SLC16A5: variants seen among roughly 807,000 people sequenced by gnomAD.
SLC16A5 encodes solute carrier family 16 member 5.
A neutral mutation model predicts 33.2 loss-of-function variants in SLC16A5; 29 were observed. That is an observed-to-expected ratio of 0.87 (90% CI 0.65 to 1.19). The LOEUF (loss-of-function observed/expected upper bound fraction) is 1.19. SLC16A5 is among the 50% of genes most tolerant of loss of function. The pLI, the probability that SLC16A5 is intolerant of heterozygous loss-of-function variation, is 0.00. For missense variants in SLC16A5, 606 were observed against 678.2 expected (o/e 0.89, Z 1.18); for synonymous variants, 248 against 284.1 (o/e 0.87, Z 1.28).
At chr17:75,092,153 C>G (rs550736244) in intron 2 of SLC16A5, among the ~76,000 whole-genome samples, 13 of 151,746 alleles carry the variant, frequency 8.6e-5, no homozygotes, top group Non-Finnish European at 1.5e-5. Context: ...ATGCGTGTGT[C>G]TCTCTGTGTT....
chr17:75,104,644 T>C (rs1465392580), intron 6 of SLC16A5: 5 of 590,642 alleles, frequency 8.5e-6, no homozygotes, highest in Non-Finnish European at 2.1e-6. Context: ...GAGATGGGGT[T>C]TCTCTATGTT....
At chr17:75,104,604 A>T in intron 6 of SLC16A5, 1 of 562,076 alleles carries the variant, frequency 1.8e-6, no homozygotes, top group Non-Finnish European at 2.3e-6. Flanking sequence ...GGCATGCGCC[A>T]CCACTCCCGG....
chr17:75,105,416 G>A, intron 6 of SLC16A5: 1 of 985,430 alleles, frequency 1.0e-6, no homozygotes, highest in Non-Finnish European at 1.2e-6. Context: ...TGCAAGGGAA[G>A]CTCTTTTACT....
Position 75,104,070 on chromosome 17 carries a change from C to T in SLC16A5, c.1254C>T (p.Ala418=). The change falls in exon 6 of 7, where the codon GCC becomes GCT. Residue 418 remains alanine, a synonymous_variant. Transcript: ENST00000329783. ...AALFMGGSFY[A]LQKKEQGKQA... ...TCTTCATGGGTGGCAGCTTCTACGCCCTGCAGAAGAAGGAGCAAGGCAAGC... is the reference window on the plus strand; with the variant it reads ...TCTTCATGGGTGGCAGCTTCTACGCTCTGCAGAAGAAGGAGCAAGGCAAGC... The T allele has an allele frequency of 6.2e-7, 1 of 1,614,200 alleles. No individual in the cohort carries two copies. The highest frequency in any genetic ancestry group is 8.5e-7 in the Non-Finnish European group (1 of 1,180,026).
At chr17:75,105,367 CA>C (rs1271329691) in intron 6 of SLC16A5, 1 of 985,288 alleles carries the variant, frequency 1.0e-6, no homozygotes, top group East Asian at 1.1e-4. Flanking sequence ...GAAGGCTTGC[CA>C]GGCAGCCCGA....
In SLC16A5 at chr17:75,100,383, GTACA is replaced by G; in HGVS notation, c.724_727del (p.Ile242TrpfsTer3). On this transcript the variant is annotated frameshift_variant, in exon 5 of 7. Coordinates refer to ENST00000329783, the MANE Select transcript of SLC16A5 (RefSeq NM_004695.4). LOFTEE classifies it high-confidence loss of function. Reference sequence around the variant, plus strand: ...TGCGGCACAACACAGGCTACTGCGTGTACATACTGGGTGTGATGTGGTCCGTCCT... The same window carrying G: ...TGCGGCACAACACAGGCTACTGCGTGTACTGGGTGTGATGTGGTCCGTCCT... 1 of 1,614,238 alleles carries G rather than the reference GTACA, an allele frequency of 6.2e-7. No individual in the cohort carries two copies. Among genetic ancestry groups the G allele is most frequent in the Non-Finnish European group, 8.5e-7 (1 of 1,180,044 alleles).
chr17:75,101,579 A>AG (rs1205090684), intron 5 of SLC16A5, among the ~76,000 whole-genome samples: 6 of 146,640 alleles, frequency 4.1e-5, no homozygotes, highest in African/African-American at 1.6e-4. Flanking sequence ...AAAAAAAAAA[A>AG]AAAAAAGCAT....
Position 75,100,052 on chromosome 17 carries a change from GC to G in SLC16A5, c.390del (p.Phe131SerfsTer59). 2.5e-6 allele frequency: 4 copies of G among 1,613,192 alleles called. No individual in the cohort carries two copies. Among genetic ancestry groups the G allele is most frequent in the Non-Finnish European group, 3.4e-6 (4 of 1,179,996 alleles). On this transcript the variant is annotated frameshift_variant, in exon 5 of 7. Transcript: ENST00000329783. LOFTEE classifies it high-confidence loss of function. ...TTCCAGTCAAGCATCACGGTGCTGG[GC>G]TTCTACTTTGTCCGCCGGCGGGTGC... ...FSFQSSITVL[G>X]FYFVRRRVLA...
At chr17:75,103,877 G>A (rs2073829526) in intron 5 of SLC16A5, 93 bp from the exon 6 acceptor site, 1 of 1,104,942 alleles carries the variant, frequency 9.1e-7, no homozygotes, top group Non-Finnish European at 1.4e-6. Context: ...TAGTACAGCA[G>A]AGACAAAAAT....
At chr17:75,091,039 G>C (rs903252530) in intron 2 of SLC16A5, among the ~76,000 whole-genome samples, 1 of 152,218 alleles carries the variant, frequency 6.6e-6, no homozygotes, top group African/African-American at 2.4e-5. Flanking sequence ...AGTGGGGAGA[G>C]GGAGCAGGGC....
intron 3 of SLC16A5, among the ~76,000 whole-genome samples, chr17:75,095,691 G>A (rs573811713): frequency 4.3e-4 from 65 of 150,602 alleles, no homozygotes; most frequent in African/African-American, 1.5e-3. Context: ...ATGGAGTCTC[G>A]CTCTGTTGCC....
rs2073777301 is a variant in SLC16A5 at position 75,100,362 on chromosome 17, G to T, written c.699G>T (p.Arg233=). Residue 233 remains arginine (R), a synonymous_variant, in exon 5 of 7, where the codon CGG becomes CGT. Transcript: ENST00000329783. ...GCCACCTGGCCTTCGACATCCTGCG[G>T]CACAACACAGGCTACTGCGTGTACA... The part of the protein sequence containing the change: ...IQRHLAFDIL[R]HNTGYCVYIL... 9 of 1,614,222 alleles carry T rather than the reference G, an allele frequency of 5.6e-6. No homozygotes were observed. The highest frequency in any genetic ancestry group is 7.6e-6 in the Non-Finnish European group (9 of 1,180,042).
chr17:75,095,588 C>G (rs1415885184), intron 3 of SLC16A5, among the ~76,000 whole-genome samples: 2 of 152,164 alleles, frequency 1.3e-5, no homozygotes, highest in African/African-American at 4.8e-5. Context: ...GCCTTAACCT[C>G]TCAAGCTCAA....
intron 2 of SLC16A5, among the ~76,000 whole-genome samples, chr17:75,092,855 GTGTGTT>G (rs1342224432): frequency 6.8e-6 from 1 of 146,666 alleles, no homozygotes; most frequent in Non-Finnish European, 1.5e-5. Flanking sequence ...GTGTGTGTGT[GTGTGTT>G]TATTATTCAG....
At chr17:75,094,679 T>G (rs1156388382) in intron 3 of SLC16A5, among the ~76,000 whole-genome samples, 2 of 87,254 alleles carry the variant, frequency 2.3e-5, no homozygotes, top group African/African-American at 5.1e-5. Flanking sequence ...AGAGTGAAAC[T>G]GTCTCAAAAA....
intron 3 of SLC16A5, among the ~76,000 whole-genome samples, chr17:75,096,957 C>T (rs1242461765): frequency 1.4e-5 from 2 of 146,604 alleles, no homozygotes; most frequent in Admixed American, 7.0e-5. Context: ...TCCCAAGTAG[C>T]TGGGATTACA....
rs374125558 is a variant in SLC16A5 at position 75,105,949 on chromosome 17, C to T, written c.1434C>T (p.Ser478=). The T allele has an allele frequency of 3.7e-6, 6 of 1,612,084 alleles. No individual in the cohort carries two copies. Among genetic ancestry groups the T allele is most frequent in the Non-Finnish European group, 5.1e-6 (6 of 1,179,002 alleles). ...ATCTTTGGGGATGTCCTGCCTCCTC[C>T]AGGACCAGCCATGAGTGGCTCTTAT... is the stretch of plus-strand genomic sequence containing the variant. ...NKHLWGCPAS[S]RTSHEWLLWP... is the part of the protein sequence containing the mutation. Residue 478 remains serine (S), a synonymous_variant, in exon 7 of 7, where the codon TCC becomes TCT. Coordinates refer to ENST00000329783, the MANE Select transcript of SLC16A5 (RefSeq NM_004695.4).
At chr17:75,090,070 G>T (rs1355044696) in intron 2 of SLC16A5, 1 of 151,846 alleles carries the variant, frequency 6.6e-6, no homozygotes, top group Admixed American at 6.6e-5. Flanking sequence ...TCGGCTCAGT[G>T]CAAACTCCGC....
Position 75,098,565 on chromosome 17 carries a change from C to CA in SLC16A5, c.343+390dup, listed in dbSNP as rs370060662. On this transcript the variant is annotated intron_variant, in intron 4 of 6. Transcript: ENST00000329783. ...AGAGCAAGACCCCATCTCAAAAACA[C>CA]AAAAAACAAAGTGCTGGGATTACAG... 4.3e-3 allele frequency among the ~76,000 whole-genome samples: 661 copies of CA among 152,150 alleles called. 3 individuals carry two copies. The highest frequency in any genetic ancestry group is 0.015 in the African/African-American group (628 of 41,518).
Sources: allele counts gnomAD v4.1 joint callset (sites outside exome capture counted in the v4.1 genomes callset), GRCh38; gene constraint gnomAD v4.1.1; transcripts MANE v1.5; gene names NCBI Gene and HGNC (gene_info 2026-07-23, HGNC 2026-07-21).